The following LINGO2 variants were observed in gnomAD, a reference collection of about 807,000 sequenced individuals.
The protein encoded by LINGO2 is leucine rich repeat and Ig domain containing 2.
A neutral mutation model predicts 30.6 loss-of-function variants in LINGO2; 14 were observed. The observed-to-expected ratio is 0.46, with a 90% CI of 0.30 to 0.72. LINGO2 has a LOEUF of 0.72. LINGO2 is among the 30% of genes least tolerant of loss of function. The probability of loss-of-function intolerance (pLI) is 0.07; values close to 1 mark genes in which losing one functional copy is unlikely to be tolerated. For synonymous variants in LINGO2, 317 were observed against 288.5 expected (o/e 1.10, Z -1.00); for missense variants, 729 against 751.7 (o/e 0.97, Z 0.35).
the LINGO2 span, among the ~76,000 whole-genome samples, chr9:28,809,142 T>C: frequency 6.6e-6 from 1 of 152,212 alleles, no homozygotes; most frequent in African/African-American, 2.4e-5. Flanking sequence ...GAAAAAGACG[T>C]TGGTCCATGG....
At chr9:29,095,635 G>C in the LINGO2 span, among the ~76,000 whole-genome samples, 1 of 138,268 alleles carries the variant, frequency 7.2e-6, no homozygotes, top group African/African-American at 2.7e-5. Context: ...TAGTATAATT[G>C]AGGCTTCTAC....
the LINGO2 span, among the ~76,000 whole-genome samples, chr9:29,189,228 G>A: frequency 1.4e-5 from 2 of 147,280 alleles, no homozygotes; most frequent in African/African-American, 2.5e-5. Context: ...GCCGGGCAGA[G>A]GAGCCCCTCA....
the LINGO2 span, among the ~76,000 whole-genome samples, chr9:28,734,058 A>AT: frequency 6.6e-6 from 1 of 152,116 alleles, no homozygotes; most frequent in Non-Finnish European, 1.5e-5. Flanking sequence ...AGACACTATG[A>AT]TTTTTTTCTC....
chr9:29,175,845 A>T, the LINGO2 span, among the ~76,000 whole-genome samples: 5 of 152,132 alleles, frequency 3.3e-5, no homozygotes, highest in Admixed American at 2.0e-4. Context: ...ATATTTTTTT[A>T]AAAAAGAGTA....
At chr9:28,663,324 A>G (rs1302126952) in intron 1 of LINGO2, among the ~76,000 whole-genome samples, 2 of 151,966 alleles carry the variant, frequency 1.3e-5, no homozygotes, top group African/African-American at 2.4e-5. Flanking sequence ...GTGCCGGCCA[A>G]CATGCCTGGC....
chr9:28,822,336 T>C, the LINGO2 span, among the ~76,000 whole-genome samples: 1 of 152,182 alleles, frequency 6.6e-6, no homozygotes. Context: ...GCTAAACTGA[T>C]CACAATATGG....
chr9:29,160,340 G>A, the LINGO2 span, among the ~76,000 whole-genome samples: 1 of 152,166 alleles, frequency 6.6e-6, no homozygotes, highest in Admixed American at 6.5e-5. Flanking sequence ...TCAAATGTTG[G>A]TTCCACCATT....
chr9:28,342,056 G>T (rs1463395110), intron 3 of LINGO2, among the ~76,000 whole-genome samples: 6 of 152,062 alleles, frequency 3.9e-5, no homozygotes, highest in African/African-American at 1.4e-4. Flanking sequence ...AAAACTTATG[G>T]GGAAAGTTCT....
chr9:29,113,115 A>C, the LINGO2 span, among the ~76,000 whole-genome samples: 1 of 152,198 alleles, frequency 6.6e-6, no homozygotes, highest in African/African-American at 2.4e-5. Flanking sequence ...TTCATGGAAA[A>C]CGCATACCAT....
chr9:28,883,634 A>G, the LINGO2 span, among the ~76,000 whole-genome samples: 6,272 of 81,664 alleles, frequency 0.077, 911 homozygotes, highest in African/African-American at 0.17. Context: ...GTGTGTATAT[A>G]TATATATATA....
At chr9:28,200,694 TAATA>T (rs1820197720) in intron 4 of LINGO2, among the ~76,000 whole-genome samples, 3 of 152,196 alleles carry the variant, frequency 2.0e-5, no homozygotes, top group Admixed American at 6.5e-5. Context: ...TAGGGCTGTT[TAATA>T]AATAAAGAAT....
intron 1 of LINGO2, among the ~76,000 whole-genome samples, chr9:28,506,675 C>T (rs1320774578): frequency 6.6e-6 from 1 of 150,710 alleles, no homozygotes; most frequent in Non-Finnish European, 1.5e-5. Context: ...TCTGTCTTCA[C>T]TCATTTTAAA....
intron 2 of LINGO2, among the ~76,000 whole-genome samples, chr9:28,439,395 T>C (rs1824097295): frequency 6.6e-6 from 1 of 152,044 alleles, no homozygotes; most frequent in African/African-American, 2.4e-5. Flanking sequence ...ATTGTGTGAC[T>C]CTGTTCCCCT....
At chr9:28,064,692 C>A (rs10812736) in intron 4 of LINGO2, among the ~76,000 whole-genome samples, 21,497 of 152,094 alleles carry the variant, frequency 0.14, 1,857 homozygotes, top group Non-Finnish European at 0.2. Context: ...TGAAACATGG[C>A]AGTTTGCATG....
At chr9:28,622,808 A>G (rs1433119417) in intron 1 of LINGO2, among the ~76,000 whole-genome samples, 1 of 151,862 alleles carries the variant, frequency 6.6e-6, no homozygotes, top group Admixed American at 6.6e-5. Flanking sequence ...TTCCACCACC[A>G]GTATACAAAT....
chr9:28,826,675 G>C, the LINGO2 span, among the ~76,000 whole-genome samples: 2 of 152,268 alleles, frequency 1.3e-5, no homozygotes, highest in Admixed American at 1.3e-4. Flanking sequence ...AAATGTGGCA[G>C]GCTAAATGAT....
At chr9:29,073,237 T>C in the LINGO2 span, among the ~76,000 whole-genome samples, 1 of 152,134 alleles carries the variant, frequency 6.6e-6, no homozygotes, top group East Asian at 1.9e-4. Context: ...ATATGTTTCA[T>C]TTGCTAAGAT....
intron 4 of LINGO2, among the ~76,000 whole-genome samples, chr9:28,045,799 G>A (rs1587759737): frequency 6.6e-6 from 1 of 152,170 alleles, no homozygotes; most frequent in South Asian, 2.1e-4. Flanking sequence ...TTACAGCGTG[G>A]AGAGACATAT....
chr9:28,900,888 G>C, the LINGO2 span, among the ~76,000 whole-genome samples: 1,394 of 152,162 alleles, frequency 9.2e-3, 29 homozygotes, highest in African/African-American at 0.032. Context: ...AGGAGTTCAG[G>C]AAACTACCAG....
Sources: gnomAD v4.1 joint callset for allele counts (sites outside exome capture counted in the v4.1 genomes callset) on GRCh38, gnomAD v4.1.1 for gene constraint, MANE v1.5 for transcripts, NCBI Gene and HGNC (gene_info 2026-07-23, HGNC 2026-07-21) for gene names.